Variants in GUCY1A2 observed in about 807,000 individuals in gnomAD.
The protein encoded by GUCY1A2 is guanylate cyclase soluble subunit alpha-2.
In GUCY1A2, 27 loss-of-function variants were observed where a neutral mutation model predicts 63.5. That is an observed-to-expected ratio of 0.43 (90% CI 0.31 to 0.59). The LOEUF (loss-of-function observed/expected upper bound fraction) is 0.59. Ranked by LOEUF, GUCY1A2 falls within the 20% of genes least tolerant of loss-of-function variation. The pLI, the probability that GUCY1A2 is intolerant of heterozygous loss-of-function variation, is 0.11. For synonymous variants in GUCY1A2, 364 were observed against 343.5 expected (o/e 1.06, Z -0.66); for missense variants, 768 against 913.3 (o/e 0.84, Z 2.05).
At chr11:106,705,210 T>TA (rs1862888232) in intron 7 of GUCY1A2, among the ~76,000 whole-genome samples, 1 of 152,182 alleles carries the variant, frequency 6.6e-6, no homozygotes, top group Non-Finnish European at 1.5e-5. Flanking sequence ...GGTGGAGTCA[T>TA]ACACTGAAAT....
intron 6 of GUCY1A2, among the ~76,000 whole-genome samples, chr11:106,767,145 T>C (rs1218603768): frequency 6.6e-6 from 1 of 152,084 alleles, no homozygotes; most frequent in African/African-American, 2.4e-5. Context: ...AGGAATAAAA[T>C]ACATGAAATA....
intron 5 of GUCY1A2, among the ~76,000 whole-genome samples, chr11:106,796,786 G>A (rs754056623): frequency 7.2e-5 from 11 of 151,976 alleles, no homozygotes; most frequent in Non-Finnish European, 1.3e-4. Flanking sequence ...TATCTTTGTG[G>A]TGCTCTCTGT....
chr11:106,883,982 C>G (rs1448350444), intron 4 of GUCY1A2, among the ~76,000 whole-genome samples: 2 of 152,154 alleles, frequency 1.3e-5, no homozygotes, highest in East Asian at 3.9e-4. Context: ...TAGGTGGGAA[C>G]TGAACAATGA....
intron 1 of GUCY1A2, among the ~76,000 whole-genome samples, chr11:106,993,119 A>G (rs189761120): frequency 6.6e-6 from 1 of 152,362 alleles, no homozygotes; most frequent in Admixed American, 6.5e-5. Flanking sequence ...ACAATATAGA[A>G]GATGGTTGGA....
intron 6 of GUCY1A2, among the ~76,000 whole-genome samples, chr11:106,722,990 TTA>T (rs1320209467): frequency 1.3e-5 from 2 of 152,222 alleles, no homozygotes; most frequent in Non-Finnish European, 2.9e-5. Context: ...TCACTATTAT[TTA>T]TATGTTTATA....
chr11:106,848,457 C>G (rs909775605), intron 4 of GUCY1A2, among the ~76,000 whole-genome samples: 1 of 151,606 alleles, frequency 6.6e-6, no homozygotes, highest in African/African-American at 2.4e-5. Context: ...CCAAGATACA[C>G]ATTTGTTATA....
At chr11:106,894,901 T>A (rs1212936670) in intron 4 of GUCY1A2, among the ~76,000 whole-genome samples, 1 of 151,724 alleles carries the variant, frequency 6.6e-6, no homozygotes, top group African/African-American at 2.4e-5. Flanking sequence ...AGAAATAAAG[T>A]CAGAATAGAA....
intron 1 of GUCY1A2, among the ~76,000 whole-genome samples, chr11:106,991,114 T>C (rs1437497625): frequency 6.6e-6 from 1 of 151,848 alleles, no homozygotes; most frequent in East Asian, 1.9e-4. Flanking sequence ...CTCAGCCTAC[T>C]GAGGAGCTGG....
At chr11:106,951,667 T>C (rs908550882) in intron 3 of GUCY1A2, among the ~76,000 whole-genome samples, 4 of 152,192 alleles carry the variant, frequency 2.6e-5, no homozygotes, top group African/African-American at 9.6e-5. Flanking sequence ...TTTCAAAACT[T>C]TTCTCCCATT....
At chr11:106,747,286 C>T (rs1174332785) in intron 6 of GUCY1A2, among the ~76,000 whole-genome samples, 1 of 144,822 alleles carries the variant, frequency 6.9e-6, no homozygotes, top group African/African-American at 2.4e-5. Context: ...CCGCGCCCGG[C>T]CCATGAAATA....
chr11:106,709,457 T>A (rs1368553666), intron 6 of GUCY1A2, among the ~76,000 whole-genome samples: 9 of 95,052 alleles, frequency 9.5e-5, no homozygotes, highest in African/African-American at 1.8e-4. Context: ...ATATTCTATA[T>A]TTATAGAATA....
chr11:106,827,610 T>C, intron 4 of GUCY1A2: 4 of 1,506,996 alleles, frequency 2.7e-6, no homozygotes, highest in Non-Finnish European at 3.7e-6. Flanking sequence ...AATGCAGTGT[T>C]CTTCACTCTT....
intron 6 of GUCY1A2, among the ~76,000 whole-genome samples, chr11:106,741,845 G>T (rs900275459): frequency 3.3e-5 from 5 of 152,172 alleles, no homozygotes; most frequent in Non-Finnish European, 7.3e-5. Flanking sequence ...CAACAATCAA[G>T]TGCACTGAAT....
rs557427326 is a variant in GUCY1A2 at position 106,800,232 on chromosome 11, G to C, written c.1692+9761C>G. ...AGAATGGCGATCATTAAACAGTCAG[G>C]AAACAACAGGTGCTGGAGAGGATGT... On this transcript the variant is annotated intron_variant, in intron 5 of 7. Transcript: ENST00000526355. Among the ~76,000 whole-genome samples the C allele has an allele frequency of 4.7e-4, 71 of 152,288 alleles. 1 individual carries two copies. The South Asian group carries it at 0.015, about 32-fold the overall frequency.
chr11:106,970,861 T>A (rs970388732), intron 3 of GUCY1A2, among the ~76,000 whole-genome samples: 1 of 149,428 alleles, frequency 6.7e-6, no homozygotes, highest in African/African-American at 2.5e-5. Flanking sequence ...CTGTGGTACA[T>A]GTTAAATGGA....
At chr11:106,871,423 G>T (rs906679754) in intron 4 of GUCY1A2, among the ~76,000 whole-genome samples, 17 of 152,158 alleles carry the variant, frequency 1.1e-4, no homozygotes, top group Admixed American at 1.1e-3. Flanking sequence ...CTTTCTAAAG[G>T]CTTTAGGAAG....
intron 1 of GUCY1A2, among the ~76,000 whole-genome samples, chr11:106,986,662 A>C (rs1542385): frequency 0.92 from 139,618 of 152,188 alleles, 64,130 homozygotes; most frequent in East Asian, 1. Context: ...CTTAAATGAT[A>C]TTTTTTTCCC....
intron 3 of GUCY1A2, among the ~76,000 whole-genome samples, chr11:106,968,288 T>C (rs1455018143): frequency 6.6e-6 from 1 of 152,224 alleles, no homozygotes; most frequent in Non-Finnish European, 1.5e-5. Flanking sequence ...ATGATCCTAC[T>C]GTACAATCAC....
At chr11:106,896,413 G>A (rs1331562483) in intron 4 of GUCY1A2, among the ~76,000 whole-genome samples, 1 of 152,154 alleles carries the variant, frequency 6.6e-6, no homozygotes, top group African/African-American at 2.4e-5. Flanking sequence ...AGGCAAGAAT[G>A]TACCATCTCA....
Sources: gnomAD v4.1 joint callset for allele counts (sites outside exome capture counted in the v4.1 genomes callset) on GRCh38, gnomAD v4.1.1 for gene constraint, MANE v1.5 for transcripts, NCBI Gene and HGNC (gene_info 2026-07-23, HGNC 2026-07-21) for gene names.